The following MLIP variants were observed in gnomAD, a reference collection of about 807,000 sequenced individuals.
MLIP encodes the protein muscular LMNA-interacting protein.
Under a neutral mutation model 84.8 loss-of-function variants are expected in MLIP, and 79 were observed. The observed-to-expected ratio is 0.93, with a 90% CI of 0.78 to 1.12. The LOEUF (loss-of-function observed/expected upper bound fraction) is 1.12, where lower values mean the gene tolerates loss of function less well. Among genes scored for constraint, MLIP ranks in the 50% most tolerant of loss-of-function variants. The pLI, the probability that MLIP is intolerant of heterozygous loss-of-function variation, is 0.00. For missense variants in MLIP, 1,257 were observed against 1,160.6 expected (o/e 1.08, Z -1.21); for synonymous variants, 504 against 463.0 (o/e 1.09, Z -1.14).
chr6:54,166,265 A>T (rs73741456), intron 8 of MLIP, among the ~76,000 whole-genome samples: 1 of 151,914 alleles, frequency 6.6e-6, no homozygotes, highest in African/African-American at 2.4e-5. Context: ...ATACCTTTCA[A>T]TGAAGTAAAA....
At chr6:54,109,253 CA>C, upstream of MLIP, among the ~76,000 whole-genome samples, 1 of 151,510 alleles carries the variant, frequency 6.6e-6, no homozygotes. Flanking sequence ...CCTTTATTCT[CA>C]TTTATGTTAT....
chr6:54,044,792 C>T (rs545896691), intron 1 of MLIP, among the ~76,000 whole-genome samples: 2 of 152,000 alleles, frequency 1.3e-5, no homozygotes, highest in South Asian at 4.2e-4. Context: ...TAGCAAGGGC[C>T]GATCAATGGA....
intron 10 of MLIP, among the ~76,000 whole-genome samples, chr6:54,199,618 C>G (rs1778534565): frequency 6.6e-6 from 1 of 151,936 alleles, no homozygotes; most frequent in Non-Finnish European, 1.5e-5. Context: ...AATTGGGACA[C>G]TAGGGTTAGA....
In MLIP at chr6:54,124,764, G is replaced by T. The variant is rs756954397; in HGVS notation, c.544G>T (p.Val182Phe). ...PKSLAISSSL[V>F]SDVVRPKTQG... Reference sequence around the variant, plus strand: ...GTCTCTAGCTATCTCGTCCAGTCTGGTCTCTGATGTAGTGCGTCCCAAAAC... The same window carrying T: ...GTCTCTAGCTATCTCGTCCAGTCTGTTCTCTGATGTAGTGCGTCCCAAAAC... Residue 182 changes from valine (V) to phenylalanine (F), a missense_variant, in exon 3 of 14, where the codon GTC (valine) becomes TTC (phenylalanine). Coordinates refer to ENST00000502396, the MANE Select transcript of MLIP (RefSeq NM_001281747.2). 1 of 1,614,064 alleles carries T rather than the reference G, an allele frequency of 6.2e-7. No individual in the cohort carries two copies. Among genetic ancestry groups the T allele is most frequent in the Admixed American group, 1.7e-5 (1 of 60,006 alleles).
chr6:54,181,178 T>G (rs929010984), intron 9 of MLIP, among the ~76,000 whole-genome samples: 1 of 152,122 alleles, frequency 6.6e-6, no homozygotes, highest in Non-Finnish European at 1.5e-5. Context: ...GAAATTTAAC[T>G]GATGTTCTAT....
chr6:54,260,514 C>T (rs1243070166), intron 13 of MLIP, among the ~76,000 whole-genome samples: 1 of 151,934 alleles, frequency 6.6e-6, no homozygotes, highest in East Asian at 1.9e-4. Context: ...TTGAGATCTT[C>T]AAATTATAGT....
At chr6:54,249,362 TCTAAAAATAAATATTTAAATC>T (rs1168186481) in intron 12 of MLIP, among the ~76,000 whole-genome samples, 1 of 152,052 alleles carries the variant, frequency 6.6e-6, no homozygotes, top group Admixed American at 6.6e-5. Context: ...ACTTTTGAAT[TCTAAAAATAAATATTTAAATC>T]CTAAAAATAA....
At chr6:54,181,739 C>G (rs1216040098) in intron 9 of MLIP, among the ~76,000 whole-genome samples, 1 of 152,102 alleles carries the variant, frequency 6.6e-6, no homozygotes, top group South Asian at 2.1e-4. Flanking sequence ...ATGAGTCCTG[C>G]CAGGACTGGT....
At chr6:54,145,002 G>A (rs572428803) in intron 4 of MLIP, among the ~76,000 whole-genome samples, 64 of 152,276 alleles carry the variant, frequency 4.2e-4, no homozygotes, top group African/African-American at 1.5e-3. Flanking sequence ...GTAATAAAAT[G>A]CCATTTTGTT....
chr6:54,078,805 C>A (rs1311203290), intron 1 of MLIP, among the ~76,000 whole-genome samples: 8 of 149,932 alleles, frequency 5.3e-5, no homozygotes, highest in African/African-American at 2.0e-4. Context: ...AATTCTCCTA[C>A]CTCAGCCTCC....
chr6:54,118,839 T>C (rs1442779678), intron 1 of MLIP, among the ~76,000 whole-genome samples: 6 of 151,928 alleles, frequency 3.9e-5, no homozygotes, highest in Non-Finnish European at 7.4e-5. Flanking sequence ...ACAATCCAAT[T>C]AAAAAACAGG....
chr6:54,221,756 T>A (rs931843522), intron 11 of MLIP, among the ~76,000 whole-genome samples: 1 of 151,980 alleles, frequency 6.6e-6, no homozygotes, highest in African/African-American at 2.4e-5. Flanking sequence ...CTCGAGTAAA[T>A]CTAATTTATA....
At chr6:54,038,861 T>G (rs1414300040) in intron 1 of MLIP, among the ~76,000 whole-genome samples, 1 of 151,934 alleles carries the variant, frequency 6.6e-6, no homozygotes, top group Non-Finnish European at 1.5e-5. Context: ...ATTAAAATTG[T>G]TTTCTATTTT....
At chr6:54,050,051 G>A (rs374489001) in intron 1 of MLIP, among the ~76,000 whole-genome samples, 1 of 152,138 alleles carries the variant, frequency 6.6e-6, no homozygotes, top group African/African-American at 2.4e-5. Context: ...TTTTTCACAT[G>A]GGAGCTCTTG....
At chr6:54,144,937 AT>A (rs1349527712) in intron 4 of MLIP, among the ~76,000 whole-genome samples, 1 of 152,206 alleles carries the variant, frequency 6.6e-6, no homozygotes, top group East Asian at 1.9e-4. Flanking sequence ...CAGAATTTAT[AT>A]TGCAGCTGGC....
In MLIP at chr6:54,213,733, A is replaced by AAAAC. The variant is rs1779650205; in HGVS notation, c.2718+11503_2718+11506dup. 3.4e-5 allele frequency among the ~76,000 whole-genome samples: 4 copies of AAAAC among 118,570 alleles called. 1 individual carries two copies. The highest frequency in any genetic ancestry group is 1.5e-4 in the African/African-American group (4 of 27,438). 77.8% of individuals were successfully genotyped at this position (118,570 alleles called of 152,430 possible). On this transcript the variant is annotated intron_variant, in intron 11 of 13. Coordinates refer to ENST00000502396, the MANE Select transcript of MLIP (RefSeq NM_001281747.2). ...AAAAAAAAAAAAAAAAAAAAAAAAAAAAACAACAAACAGCATATCTTGTAT... is the reference window on the plus strand; with the variant it reads ...AAAAAAAAAAAAAAAAAAAAAAAAAAAAACAAACAACAAACAGCATATCTTGTAT...
chr6:54,155,292 C>T (rs1002206530), intron 5 of MLIP, among the ~76,000 whole-genome samples: 7 of 152,084 alleles, frequency 4.6e-5, no homozygotes, highest in Non-Finnish European at 5.9e-5. Context: ...CTAACAATAT[C>T]TACTATCCTA....
rs777468880 is a variant in MLIP, at chr6:54,136,981, A to G, written c.912A>G (p.Gln304=). The part of the protein sequence containing the change: ...SSTLLFPHST[Q]LSGSNLPSST... Reference sequence around the variant, plus strand: ...CGTTACTGTTTCCCCATTCCACTCAACTATCAGGTTCTAATTTACCCAGTT... The same window carrying G: ...CGTTACTGTTTCCCCATTCCACTCAGCTATCAGGTTCTAATTTACCCAGTT... The change falls in exon 4 of 14, where the codon CAA becomes CAG. Residue 304 remains glutamine, a synonymous_variant. Coordinates refer to ENST00000502396, the MANE Select transcript of MLIP (RefSeq NM_001281747.2). 1.3e-6 allele frequency: 2 copies of G among 1,535,976 alleles called. No individual in the cohort carries two copies. Among genetic ancestry groups the G allele is most frequent in the South Asian group, 2.4e-5 (2 of 84,052 alleles).
intron 8 of MLIP, among the ~76,000 whole-genome samples, chr6:54,165,153 C>T (rs1471057939): frequency 6.6e-6 from 1 of 151,850 alleles, no homozygotes; most frequent in Non-Finnish European, 1.5e-5. Flanking sequence ...CTTGCCAGTT[C>T]TGGTGAGGTT....
Sources: allele counts gnomAD v4.1 joint callset (sites outside exome capture counted in the v4.1 genomes callset), GRCh38; gene constraint gnomAD v4.1.1; transcripts MANE v1.5; gene names NCBI Gene and HGNC (gene_info 2026-07-23, HGNC 2026-07-21).